The following LSAMP variants were observed in gnomAD, a reference collection of about 807,000 sequenced individuals.
LSAMP encodes the protein limbic system associated membrane protein.
In LSAMP, 7 loss-of-function variants were observed where a neutral mutation model predicts 38.6. The observed-to-expected ratio is 0.18, with a 90% confidence interval of 0.10 to 0.34. LSAMP has a LOEUF of 0.34. LSAMP is among the 10% of genes least tolerant of loss of function. The pLI, the probability that LSAMP is intolerant of heterozygous loss-of-function variation, is 1.00. For synonymous variants in LSAMP, 154 were observed against 166.8 expected (o/e 0.92, Z 0.59); for missense variants, 313 against 420.0 (o/e 0.75, Z 2.23).
chr3:115,957,358 G>T (rs867965427), intron 3 of LSAMP, among the ~76,000 whole-genome samples: 1 of 152,104 alleles, frequency 6.6e-6, no homozygotes, highest in African/African-American at 2.4e-5. Flanking sequence ...TTATAAGCAC[G>T]TTGTGGCCAT....
intron 3 of LSAMP, among the ~76,000 whole-genome samples, chr3:115,866,035 A>G (rs1260759193): frequency 1.3e-5 from 2 of 152,170 alleles, no homozygotes; most frequent in Non-Finnish European, 2.9e-5. Context: ...GTTTATCTAT[A>G]TAGGCTTCTT....
intron 1 of LSAMP, among the ~76,000 whole-genome samples, chr3:116,426,913 GTC>G (rs1559864247): frequency 1.4e-5 from 2 of 146,910 alleles, no homozygotes; most frequent in Admixed American, 6.8e-5. Flanking sequence ...AAAAAAAAAA[GTC>G]TGCCAAGAAA....
At chr3:116,313,884 G>A (rs1214910752) in intron 1 of LSAMP, among the ~76,000 whole-genome samples, 1 of 151,770 alleles carries the variant, frequency 6.6e-6, no homozygotes, top group Non-Finnish European at 1.5e-5. Context: ...AACCTGGAAG[G>A]CAGAGATTGC....
chr3:116,159,805 A>C (rs2107536613), intron 1 of LSAMP, among the ~76,000 whole-genome samples: 1 of 152,356 alleles, frequency 6.6e-6, no homozygotes, highest in Non-Finnish European at 1.5e-5. Context: ...TGTTCACAAT[A>C]GCAAAGATGT....
intron 1 of LSAMP, among the ~76,000 whole-genome samples, chr3:116,344,271 G>A (rs372328172): frequency 6.6e-6 from 1 of 152,006 alleles, no homozygotes; most frequent in African/African-American, 2.4e-5. Flanking sequence ...CATATATGAA[G>A]ATTAGATTGA....
At chr3:116,022,861 C>G (rs190462054) in intron 2 of LSAMP, among the ~76,000 whole-genome samples, 2 of 152,266 alleles carry the variant, frequency 1.3e-5, no homozygotes, top group Admixed American at 1.3e-4. Flanking sequence ...CTCACAGACA[C>G]CCAAGTTTCA....
At chr3:115,980,101 A>T (rs936989965) in intron 3 of LSAMP, among the ~76,000 whole-genome samples, 2 of 152,070 alleles carry the variant, frequency 1.3e-5, no homozygotes, top group African/African-American at 4.8e-5. Flanking sequence ...TACTTAAGAT[A>T]CCCCATTGCA....
At chr3:115,811,062 AAAAC>A (rs751114526) in intron 6 of LSAMP, among the ~76,000 whole-genome samples, 4 of 152,208 alleles carry the variant, frequency 2.6e-5, no homozygotes, top group Non-Finnish European at 5.9e-5. Context: ...TTAAAAATCA[AAAAC>A]AAAAACAAAG....
intron 1 of LSAMP, among the ~76,000 whole-genome samples, chr3:116,188,954 T>C (rs972028505): frequency 2.0e-5 from 3 of 152,246 alleles, no homozygotes; most frequent in African/African-American, 7.2e-5. Context: ...TGATCAGTCA[T>C]GCATTTTATT....
At chr3:116,064,404 A>G (rs1941646613) in intron 2 of LSAMP, among the ~76,000 whole-genome samples, 1 of 151,462 alleles carries the variant, frequency 6.6e-6, no homozygotes, top group South Asian at 2.1e-4. Context: ...AATCCCAGCT[A>G]CTCGGGAGGC....
At chr3:116,119,821 C>T (rs909135535) in intron 1 of LSAMP, among the ~76,000 whole-genome samples, 9 of 151,876 alleles carry the variant, frequency 5.9e-5, no homozygotes, top group African/African-American at 2.2e-4. Context: ...CCACCACACC[C>T]AGCTAATTTT....
chr3:116,267,889 T>TGTAA (rs1440845370), intron 1 of LSAMP, among the ~76,000 whole-genome samples: 2 of 151,920 alleles, frequency 1.3e-5, no homozygotes, highest in African/African-American at 4.8e-5. Flanking sequence ...ACCAATGAGA[T>TGTAA]GTAAGTAAAA....
intron 1 of LSAMP, among the ~76,000 whole-genome samples, chr3:116,412,410 T>C (rs1022388211): frequency 2.6e-5 from 4 of 152,072 alleles, no homozygotes; most frequent in Admixed American, 6.6e-5. Context: ...AAAAACATGC[T>C]TTACTCATGA....
Position 116,445,431 on chromosome 3 carries a change from C to G in LSAMP, c.-400G>C. The G allele has an allele frequency of 4.2e-4, 92 of 217,726 alleles. No homozygotes were observed. The highest frequency in any genetic ancestry group is 5.6e-4 in the Non-Finnish European group (62 of 109,752). The allele number at this position is 217,726 out of a possible 1,614,324, so 13.5% of individuals were successfully genotyped here. A position where few individuals can be genotyped will look rare whatever the true frequency, so the allele number is the denominator to read the frequency against. ...CCACTTTCCCAGGCTGGCGGGCGGG[C>G]GGGCGAGGGAGCCGGCACCAAGCCT... On this transcript the variant is annotated 5_prime_UTR_variant, in exon 1 of 7. Transcript: ENST00000490035.
chr3:116,113,405 TATATATATATATATA>T (rs201527698), intron 1 of LSAMP, among the ~76,000 whole-genome samples: 1,478 of 64,196 alleles, frequency 0.023, 49 homozygotes, highest in African/African-American at 0.091. Context: ...TTGCCCTATA[TATATATATATATATA>T]TTTTTTTTTT....
intron 1 of LSAMP, among the ~76,000 whole-genome samples, chr3:116,119,845 G>C (rs1387842487): frequency 6.6e-6 from 1 of 151,950 alleles, no homozygotes; most frequent in Non-Finnish European, 1.5e-5. Flanking sequence ...ATTTTTAGTA[G>C]AGATGGGGTT....
intron 1 of LSAMP, among the ~76,000 whole-genome samples, chr3:116,421,553 AAAGAAG>A (rs200994392): frequency 6.8e-6 from 1 of 146,372 alleles, no homozygotes; most frequent in South Asian, 2.2e-4. Flanking sequence ...TAAAAAAAAA[AAAGAAG>A]AAGAAGAAGA....
intron 1 of LSAMP, among the ~76,000 whole-genome samples, chr3:116,326,882 G>A (rs989420843): frequency 2.0e-4 from 30 of 152,044 alleles, no homozygotes; most frequent in Admixed American, 5.9e-4. Flanking sequence ...GGATGTGGTC[G>A]TGGGTGTCAT....
chr3:115,884,023 T>TA (rs536750259), intron 3 of LSAMP, among the ~76,000 whole-genome samples: 3 of 152,048 alleles, frequency 2.0e-5, no homozygotes, highest in Non-Finnish European at 4.4e-5. Context: ...AAACAGCTTC[T>TA]AAAAGCAGAG....
Sources: allele counts gnomAD v4.1 joint callset (sites outside exome capture counted in the v4.1 genomes callset), GRCh38; gene constraint gnomAD v4.1.1; transcripts MANE v1.5; gene names NCBI Gene and HGNC (gene_info 2026-07-23, HGNC 2026-07-21).